Variants in NDST3 observed in about 807,000 individuals in gnomAD.
NDST3 encodes the protein N-deacetylase and N-sulfotransferase 3, also known as bifunctional heparan sulfate N-deacetylase/N-sulfotransferase 3.
Under a neutral mutation model 96.1 loss-of-function variants are expected in NDST3, and 58 were observed. That is an observed-to-expected ratio of 0.60 (90% CI 0.49 to 0.75). The LOEUF (loss-of-function observed/expected upper bound fraction) is 0.75, where lower values mean the gene tolerates loss of function less well. Among genes scored for constraint, NDST3 ranks in the 30% least tolerant of loss-of-function variants. The probability of loss-of-function intolerance (pLI) is 0.00; values close to 1 mark genes in which losing one functional copy is unlikely to be tolerated. For missense variants in NDST3, 788 were observed against 1,034.2 expected, an observed-to-expected ratio of 0.76 and a Z score of 3.27; for synonymous variants, 333 against 359.7, an observed-to-expected ratio of 0.93 and a Z score of 0.84.
intron 1 of NDST3, among the ~76,000 whole-genome samples, chr4:118,048,714 C>T (rs1042893732): frequency 3.3e-5 from 5 of 152,080 alleles, no homozygotes; most frequent in African/African-American, 9.7e-5. Flanking sequence ...CATTGGAGCA[C>T]CTAGATTCAT....
rs1054108871 is a variant in NDST3, at chr4:118,255,866, A to C, written c.*154A>C. 12 of 889,900 alleles carry C rather than the reference A, an allele frequency of 1.3e-5. No individual in the cohort carries two copies. The allele number at this position is 889,900 out of a possible 1,614,324, so 55.1% of individuals were successfully genotyped here. The stretch of plus-strand genomic sequence containing the variant: ...TGCTGGCACGTGGATGATTAGAAAA[A>C]AAGAAAAAGTATGTGTTACAAGCCT... On this transcript the variant is annotated 3_prime_UTR_variant, in exon 14 of 14. Coordinates refer to ENST00000296499, the MANE Select transcript of NDST3 (RefSeq NM_004784.3).
chr4:118,062,446 C>T (rs1266163797), intron 2 of NDST3, among the ~76,000 whole-genome samples: 1 of 151,998 alleles, frequency 6.6e-6, no homozygotes, highest in Non-Finnish European at 1.5e-5. Flanking sequence ...GACCATTCTT[C>T]TCTCCCTCCC....
intron 2 of NDST3, among the ~76,000 whole-genome samples, chr4:118,063,466 G>A (rs1726062827): frequency 6.6e-6 from 1 of 152,092 alleles, no homozygotes; most frequent in Non-Finnish European, 1.5e-5. Flanking sequence ...CAAAAACCTT[G>A]GAGAAAATTG....
In NDST3 at chr4:118,219,776, G is replaced by A. The variant is rs546147300; in HGVS notation, c.1540-4715G>A. On this transcript the variant is annotated intron_variant, in intron 6 of 13. Transcript: ENST00000296499. ...ACCTACAGAATGCAAGAAAATTTTT[G>A]CAGTAAATCCACTACAAGGAATTTA... Among the ~76,000 whole-genome samples the A allele has an allele frequency of 2.0e-5, 3 of 151,224 alleles. No individual in the cohort carries two copies. In the South Asian group the frequency reaches 6.2e-4, roughly 31 times the overall value.
Position 118,132,135 on chromosome 4 carries a change from GTCCT to G in NDST3, c.1225-5915_1225-5912del, listed in dbSNP as rs907498481. 2.2e-4 allele frequency among the ~76,000 whole-genome samples: 34 copies of G among 152,158 alleles called. 1 individual carries two copies. Among genetic ancestry groups the G allele is most frequent in the Middle Eastern group, 3.2e-3 (1 of 316 alleles). ...AGGTGGCAAAGCCAGCCAAGTTTGT[GTCCT>G]TCCCTTCAGAGCGGCAAGTTCCTCC... is the stretch of plus-strand genomic sequence containing the variant. On this transcript the variant is annotated intron_variant, in intron 4 of 13. Coordinates refer to ENST00000296499, the MANE Select transcript of NDST3 (RefSeq NM_004784.3).
intron 1 of NDST3, among the ~76,000 whole-genome samples, chr4:118,043,714 T>G (rs1409075859): frequency 1.3e-5 from 2 of 152,164 alleles, no homozygotes; most frequent in Non-Finnish European, 1.5e-5. Flanking sequence ...TTTTCAGAGC[T>G]AACAGAAACA....
intron 6 of NDST3, among the ~76,000 whole-genome samples, chr4:118,146,974 G>A (rs1733995858): frequency 6.6e-6 from 1 of 152,172 alleles, no homozygotes; most frequent in South Asian, 2.1e-4. Context: ...GTTAATCATA[G>A]GAACTTGTAC....
intron 4 of NDST3, among the ~76,000 whole-genome samples, chr4:118,128,416 A>T (rs542263252): frequency 1.6e-3 from 248 of 152,170 alleles, no homozygotes; most frequent in Non-Finnish European, 3.0e-3. Context: ...ATTTTATCAA[A>T]TGCTTTTTCA....
In NDST3 at chr4:118,143,567, ACAAACCTG is replaced by A; in HGVS notation, c.1423_1430del (p.Gln475TrpfsTer17). On this transcript the variant is annotated frameshift_variant, in exon 6 of 14. Transcript: ENST00000296499. LOFTEE classifies it high-confidence loss of function. ...CATTTTTCCTTCAGGTTCTCCCAAG[ACAAACCTG>A]TGGGCTTTTCACTCACACCATTTTC... is the stretch of plus-strand genomic sequence containing the variant. 1 of 1,606,394 alleles carries A rather than the reference ACAAACCTG, an allele frequency of 6.2e-7. No homozygotes were observed. The highest frequency in any genetic ancestry group is 8.5e-7 in the Non-Finnish European group (1 of 1,177,838).
intron 2 of NDST3, among the ~76,000 whole-genome samples, chr4:118,074,900 A>C (rs1265435877): frequency 6.6e-6 from 1 of 151,698 alleles, no homozygotes. Context: ...TCCTTTAAGG[A>C]CTTCTTTTTT....
Position 118,213,014 on chromosome 4 carries a change from T to C in NDST3, c.1540-11477T>C, listed in dbSNP as rs116747387. Among the ~76,000 whole-genome samples the C allele has an allele frequency of 4.1e-3, 620 of 152,336 alleles. 6 individuals carry two copies. Among genetic ancestry groups the C allele is most frequent in the African/African-American group, 0.014 (599 of 41,576 alleles). ...TAACATTTGCTCCCCTATAGTCTGA[T>C]GAAAGACTATTTTTCTACCTTCCTT... On this transcript the variant is annotated intron_variant, in intron 6 of 13. Coordinates refer to ENST00000296499, the MANE Select transcript of NDST3 (RefSeq NM_004784.3).
chr4:118,041,003 C>T lies in NDST3; in HGVS notation c.-156+6411C>T, dbSNP rs1191838256. Among the ~76,000 whole-genome samples, 11 of 151,582 alleles carry T rather than the reference C, an allele frequency of 7.3e-5. No homozygotes were observed. The East Asian group carries it at 1.9e-3, about 27-fold the overall frequency. On this transcript the variant is annotated intron_variant, in intron 1 of 13. Transcript: ENST00000296499. The stretch of plus-strand genomic sequence containing the variant: ...GCTCAAGTGATCTGCCCACCTCAGC[C>T]TCCCCTCGTGCTGGGATTATAGGGG...
chr4:118,242,850 C>T (rs1158506521), intron 12 of NDST3, among the ~76,000 whole-genome samples: 1 of 152,024 alleles, frequency 6.6e-6, no homozygotes, highest in Non-Finnish European at 1.5e-5. Flanking sequence ...CAGTCACTCT[C>T]GGAGGTGTGC....
intron 9 of NDST3, among the ~76,000 whole-genome samples, chr4:118,235,578 C>A (rs1426927256): frequency 6.6e-6 from 1 of 152,136 alleles, no homozygotes; most frequent in Non-Finnish European, 1.5e-5. Context: ...AAAATTTCTG[C>A]TCTTTTGTGT....
intron 6 of NDST3, among the ~76,000 whole-genome samples, chr4:118,170,484 C>T (rs550433349): frequency 6.6e-6 from 1 of 152,274 alleles, no homozygotes; most frequent in African/African-American, 2.4e-5. Flanking sequence ...AGACCCAGCA[C>T]TTTGGGAGAC....
At chr4:118,126,486 T>G (rs1298385225) in intron 4 of NDST3, among the ~76,000 whole-genome samples, 1 of 150,588 alleles carries the variant, frequency 6.6e-6, no homozygotes, top group Non-Finnish European at 1.5e-5. Flanking sequence ...TACACCACTG[T>G]GTACTATTAT....
upstream of NDST3, chr4:118,033,908 C>T (rs1408270563): frequency 1.3e-5 from 2 of 152,302 alleles, no homozygotes; most frequent in Non-Finnish European, 2.9e-5. Context: ...GGCTGCAGCC[C>T]CAGGTAATCT....
At chr4:118,152,659 T>C (rs913468503) in intron 6 of NDST3, among the ~76,000 whole-genome samples, 1 of 152,162 alleles carries the variant, frequency 6.6e-6, no homozygotes, top group East Asian at 1.9e-4. Context: ...CCTTAGTGCT[T>C]TATTTTGAAC....
intron 2 of NDST3, among the ~76,000 whole-genome samples, chr4:118,079,410 G>T (rs535827553): frequency 4.0e-4 from 61 of 152,288 alleles, no homozygotes; most frequent in African/African-American, 1.4e-3. Context: ...GCTGAGACAT[G>T]AAAGAGGAGA....
Sources: allele counts gnomAD v4.1 joint callset (sites outside exome capture counted in the v4.1 genomes callset), GRCh38; gene constraint gnomAD v4.1.1; transcripts MANE v1.5; gene names NCBI Gene and HGNC (gene_info 2026-07-23, HGNC 2026-07-21).